FHIT: variants seen among roughly 807,000 people sequenced by gnomAD.
FHIT encodes fragile histidine triad diadenosine triphosphatase.
Under a neutral mutation model 17.9 loss-of-function variants are expected in FHIT, and 19 were observed. That is an observed-to-expected ratio of 1.06 (90% CI 0.74 to 1.56). FHIT has a LOEUF of 1.56. FHIT is among the 40% of genes most tolerant of loss of function. The pLI is 0.00. For synonymous variants in FHIT, 81 were observed against 69.7 expected, an observed-to-expected ratio of 1.16 and a Z score of -0.81; for missense variants, 248 against 189.2, an observed-to-expected ratio of 1.31 and a Z score of -1.82.
chr3:60,423,048 G>A (rs990157032), intron 5 of FHIT, among the ~76,000 whole-genome samples: 42 of 152,250 alleles, frequency 2.8e-4, no homozygotes, highest in African/African-American at 1.0e-3. Flanking sequence ...ACAGAATATG[G>A]TTATAGAAGT....
chr3:59,763,604 G>A (rs558526302), intron 8 of FHIT, among the ~76,000 whole-genome samples: 66 of 152,342 alleles, frequency 4.3e-4, no homozygotes, highest in Non-Finnish European at 8.4e-4. Context: ...CCTTTGGGAG[G>A]CTTACATTCT....
intron 8 of FHIT, among the ~76,000 whole-genome samples, chr3:59,896,050 T>G (rs1287699604): frequency 1.3e-5 from 2 of 152,224 alleles, no homozygotes; most frequent in Admixed American, 1.3e-4. Flanking sequence ...CTGCACAGAA[T>G]CTTCACCTGT....
intron 8 of FHIT, among the ~76,000 whole-genome samples, chr3:59,813,100 A>G (rs1223030881): frequency 1.3e-5 from 2 of 152,220 alleles, no homozygotes; most frequent in Admixed American, 6.5e-5. Context: ...TTACTGCTCA[A>G]AACCAACAGC....
At chr3:60,262,619 C>T (rs1706361438) in intron 5 of FHIT, among the ~76,000 whole-genome samples, 1 of 151,930 alleles carries the variant, frequency 6.6e-6, no homozygotes. Context: ...CTTTTTACCT[C>T]TAGCCAATTT....
intron 5 of FHIT, among the ~76,000 whole-genome samples, chr3:60,516,413 A>C (rs2107554363): frequency 6.6e-6 from 1 of 152,296 alleles, no homozygotes; most frequent in Middle Eastern, 3.4e-3. Context: ...CATAGGAAGA[A>C]GTTGGCCTCA....
intron 7 of FHIT, among the ~76,000 whole-genome samples, chr3:59,990,135 GT>G (rs1709162229): frequency 1.3e-5 from 2 of 152,184 alleles, no homozygotes; most frequent in East Asian, 1.9e-4. Flanking sequence ...ATGGATGATT[GT>G]AATTTCCTGC....
intron 5 of FHIT, among the ~76,000 whole-genome samples, chr3:60,528,142 A>G (rs577183405): frequency 6.6e-6 from 1 of 152,208 alleles, no homozygotes; most frequent in East Asian, 1.9e-4. Context: ...CCTAGCCAAT[A>G]AACTTTTCTT....
chr3:60,749,288 A>G (rs527282309), intron 4 of FHIT, among the ~76,000 whole-genome samples: 1 of 140,462 alleles, frequency 7.1e-6, no homozygotes, highest in Admixed American at 7.1e-5. Flanking sequence ...TTAGTCAAAT[A>G]AGAGAAGCTC....
intron 2 of FHIT, among the ~76,000 whole-genome samples, chr3:61,185,387 A>G (rs2038476010): frequency 6.6e-6 from 1 of 152,188 alleles, no homozygotes; most frequent in Non-Finnish European, 1.5e-5. Context: ...CATTCAGATT[A>G]TCCTCAGGAA....
At chr3:60,134,697 A>C (rs1273739231) in intron 5 of FHIT, among the ~76,000 whole-genome samples, 2 of 152,214 alleles carry the variant, frequency 1.3e-5, no homozygotes, top group African/African-American at 4.8e-5. Flanking sequence ...AGAGACACCG[A>C]CAAATGTAGA....
chr3:59,850,194 G>A (rs1033745410), intron 8 of FHIT, among the ~76,000 whole-genome samples: 3 of 152,164 alleles, frequency 2.0e-5, no homozygotes, highest in Admixed American at 2.0e-4. Flanking sequence ...AAAAAGTAAA[G>A]ATGCTGGATT....
chr3:60,474,811 C>T (rs988875784), intron 5 of FHIT, among the ~76,000 whole-genome samples: 4 of 152,032 alleles, frequency 2.6e-5, no homozygotes, highest in African/African-American at 4.8e-5. Flanking sequence ...TTAGTAGAGA[C>T]GAGGTTTCTC....
intron 5 of FHIT, among the ~76,000 whole-genome samples, chr3:60,202,221 A>G (rs1240731665): frequency 6.6e-6 from 1 of 152,166 alleles, no homozygotes; most frequent in African/African-American, 2.4e-5. Context: ...ACTTTTCTGG[A>G]CCACATTTAC....
At chr3:60,581,955 G>A (rs1412119089) in intron 4 of FHIT, among the ~76,000 whole-genome samples, 4 of 151,954 alleles carry the variant, frequency 2.6e-5, no homozygotes, top group Non-Finnish European at 5.9e-5. Flanking sequence ...ATGCTGCACC[G>A]ATGCACACTT....
chr3:59,779,090 G>C (rs116414079), intron 8 of FHIT, among the ~76,000 whole-genome samples: 1 of 152,160 alleles, frequency 6.6e-6, no homozygotes, highest in East Asian at 1.9e-4. Flanking sequence ...CTAATAGCTT[G>C]GCATTACCCT....
intron 2 of FHIT, among the ~76,000 whole-genome samples, chr3:61,173,865 G>A (rs1409032655): frequency 6.6e-6 from 1 of 152,184 alleles, no homozygotes; most frequent in African/African-American, 2.4e-5. Flanking sequence ...AGTCATCCCA[G>A]CCAGCATGTC....
At chr3:59,858,313 A>G (rs1446308882) in intron 8 of FHIT, among the ~76,000 whole-genome samples, 4 of 121,268 alleles carry the variant, frequency 3.3e-5, no homozygotes, top group Admixed American at 1.1e-4. Context: ...TCCAACCTCC[A>G]CCTCCTGGGT....
intron 1 of FHIT, among the ~76,000 whole-genome samples, chr3:61,231,664 T>C (rs548355756): frequency 3.3e-5 from 5 of 152,358 alleles, no homozygotes; most frequent in South Asian, 2.1e-4. Context: ...GGATCTTCTA[T>C]ATTCCAGGCA....
At chr3:61,137,908 G>T (rs1450236186) in intron 2 of FHIT, among the ~76,000 whole-genome samples, 1 of 152,150 alleles carries the variant, frequency 6.6e-6, no homozygotes, top group East Asian at 1.9e-4. Flanking sequence ...GAGGCCTGTT[G>T]TATTCCTCTC....
Sources: gnomAD v4.1 joint callset for allele counts (sites outside exome capture counted in the v4.1 genomes callset) on GRCh38, gnomAD v4.1.1 for gene constraint, MANE v1.5 for transcripts, NCBI Gene and HGNC (gene_info 2026-07-23, HGNC 2026-07-21) for gene names.